OTOF: variants seen among roughly 807,000 people sequenced by gnomAD.
The protein encoded by OTOF is otoferlin.
Under a neutral mutation model 236.8 loss-of-function variants are expected in OTOF, and 218 were observed. The ratio of observed to expected loss-of-function variants is 0.92; its 90% CI spans 0.82 to 1.03. The LOEUF is 1.03. Ranked by LOEUF, OTOF falls within the 50% of genes least tolerant of loss-of-function variation. The pLI, the probability that OTOF is intolerant of heterozygous loss-of-function variation, is 0.00. For synonymous variants in OTOF, 1,041 were observed against 1,072.5 expected (o/e 0.97, Z 0.57); for missense variants, 2,590 against 2,694.4 (o/e 0.96, Z 0.86).
chr2:26,501,952 G>C, intron 7 of OTOF, 144 bp from the exon 8 acceptor site: 1 of 713,984 alleles, frequency 1.4e-6, no homozygotes, highest in Non-Finnish European at 2.6e-6. Context: ...GAATAGTGAG[G>C]ATTAGTTGTC....
In OTOF at chr2:26,458,093, G is replaced by T. The variant is rs1268939842; in HGVS notation, c.*145C>A. On this transcript the variant is annotated 3_prime_UTR_variant, in exon 47 of 47. Coordinates refer to ENST00000272371, the MANE Select transcript of OTOF (RefSeq NM_194248.3). ...TAGCCAGGGAGGCTGTAGAGGAAGA[G>T]CCCCAACATGAGCAGCCCCAACAGC... 1 of 1,614,202 alleles carries T rather than the reference G, an allele frequency of 6.2e-7. No individual in the cohort carries two copies.
Position 26,460,869 on chromosome 2 carries a change from C to A in OTOF, c.5695G>T (p.Asp1899Tyr), listed in dbSNP as rs137986959. The change falls in exon 44 of 47, where the codon GAT becomes TAT. Residue 1899 changes from aspartate (D) to tyrosine (Y), a missense_variant. Coordinates refer to ENST00000272371, the MANE Select transcript of OTOF (RefSeq NM_194248.3). This position sits in a 1 kb window ranked among gnomAD's most constrained non-coding sequence, Gnocchi z 5.3. ...WWPLLARNEN[D>Y]EFELTGKVEA... ...GTGCGCACCGTGAGCTCAAACTCAT[C>A]GTTCTCATTGCGGGCCAGGAGGGGC... The A allele has an allele frequency of 1.1e-5, 18 of 1,614,060 alleles. No individual in the cohort carries two copies. The highest frequency in any genetic ancestry group is 1.5e-5 in the Non-Finnish European group (18 of 1,180,018).
intron 5 of OTOF, among the ~76,000 whole-genome samples, chr2:26,508,142 A>G (rs1342125720): frequency 6.6e-6 from 1 of 152,226 alleles, no homozygotes; most frequent in East Asian, 1.9e-4. Context: ...ACTGGCTTCA[A>G]CTGGAACTAC....
intron 1 of OTOF, among the ~76,000 whole-genome samples, chr2:26,547,867 A>G (rs1006599484): frequency 1.3e-5 from 2 of 152,210 alleles, no homozygotes; most frequent in Non-Finnish European, 2.9e-5. Context: ...AATGTTTTCT[A>G]CAATACAGCA....
chr2:26,497,738 G>A (rs1666024445), intron 8 of OTOF, among the ~76,000 whole-genome samples: 1 of 152,174 alleles, frequency 6.6e-6, no homozygotes, highest in Admixed American at 6.5e-5. Flanking sequence ...AGTGACAAAG[G>A]GACGGAAGTA....
At chr2:26,472,885 A>G (rs1441040935) in intron 29 of OTOF, among the ~76,000 whole-genome samples, 2 of 152,136 alleles carry the variant, frequency 1.3e-5, no homozygotes, top group Non-Finnish European at 2.9e-5. Flanking sequence ...GGTCTTCTCC[A>G]TCAACCAGCG....
Position 26,473,051 on chromosome 2 carries a change from G to A in OTOF, c.3733+81C>T, listed in dbSNP as rs1167836752. The A allele has an allele frequency of 4.1e-6, 6 of 1,450,604 alleles. 1 individual carries two copies. The highest frequency in any genetic ancestry group is 2.4e-5 in the South Asian group (2 of 83,704). 89.9% of individuals were successfully genotyped at this position (1,450,604 alleles called of 1,614,324 possible). A position where few individuals can be genotyped will look rare whatever the true frequency, so the allele number is the denominator to read the frequency against. On this transcript the variant is annotated intron_variant, in intron 29 of 46. Coordinates refer to ENST00000272371, the MANE Select transcript of OTOF (RefSeq NM_194248.3). The surrounding 1 kb of genome is among the most constrained non-coding windows in gnomAD (Gnocchi z 7.2). Reference sequence around the variant, plus strand: ...GCCCCAAAGAGCAAACTCTGGTCGCGGCTTGGACTGGGCGGAGACCTGGAG... The same window carrying A: ...GCCCCAAAGAGCAAACTCTGGTCGCAGCTTGGACTGGGCGGAGACCTGGAG...
At chr2:26,506,835 A>G (rs534070840) in intron 5 of OTOF, among the ~76,000 whole-genome samples, 1 of 152,278 alleles carries the variant, frequency 6.6e-6, no homozygotes, top group South Asian at 2.1e-4. Flanking sequence ...CCCCGTCTCT[A>G]CTAAAATTAG....
intron 5 of OTOF, among the ~76,000 whole-genome samples, chr2:26,505,889 G>A (rs1666235824): frequency 6.6e-6 from 1 of 152,360 alleles, no homozygotes; most frequent in East Asian, 1.9e-4. Flanking sequence ...TCATACCCAT[G>A]TTTACAAAGA....
intron 41 of OTOF, among the ~76,000 whole-genome samples, chr2:26,463,057 G>A (rs1480463035): frequency 2.0e-5 from 3 of 152,178 alleles, no homozygotes; most frequent in Admixed American, 6.5e-5. Flanking sequence ...TGAGGATGAC[G>A]CAGGGCCGGC....
At chr2:26,528,442 C>T (rs1245142479) in intron 2 of OTOF, among the ~76,000 whole-genome samples, 1 of 152,224 alleles carries the variant, frequency 6.6e-6, no homozygotes. Context: ...TCAAACCACT[C>T]CTCACTCTGC....
At chr2:26,537,938 G>A (rs1667114462) in intron 1 of OTOF, among the ~76,000 whole-genome samples, 164 bp from the exon 2 acceptor site, 1 of 152,184 alleles carries the variant, frequency 6.6e-6, no homozygotes, top group African/African-American at 2.4e-5. Context: ...CAGTCCCCAT[G>A]CGGCTTCTTC....
intron 4 of OTOF, among the ~76,000 whole-genome samples, chr2:26,518,630 G>A (rs1021348834): frequency 6.6e-6 from 1 of 152,274 alleles, no homozygotes; most frequent in Non-Finnish European, 1.5e-5. Context: ...CCCTCCCAGG[G>A]AGGACCCGAG....
At chr2:26,543,274 C>T (rs1667250219) in intron 1 of OTOF, among the ~76,000 whole-genome samples, 2 of 152,226 alleles carry the variant, frequency 1.3e-5, no homozygotes, top group South Asian at 4.1e-4. Context: ...GCCAGGCCCA[C>T]TCAGGTGTGC....
At chr2:26,467,562 G>A in intron 33 of OTOF, 61 bp from the exon 34 acceptor site, 5 of 1,569,416 alleles carry the variant, frequency 3.2e-6, no homozygotes, top group East Asian at 2.3e-5. Flanking sequence ...GCCTGGATTC[G>A]AGACCCAGCT....
At chr2:26,530,591 C>T (rs747230713) in intron 2 of OTOF, among the ~76,000 whole-genome samples, 4 of 152,202 alleles carry the variant, frequency 2.6e-5, no homozygotes, top group Non-Finnish European at 4.4e-5. Flanking sequence ...CTTTCCTCCC[C>T]TGTCTCCCTC....
intron 1 of OTOF, among the ~76,000 whole-genome samples, chr2:26,549,142 C>A (rs1387757681): frequency 6.6e-6 from 1 of 152,030 alleles, no homozygotes; most frequent in Non-Finnish European, 1.5e-5. Context: ...CCTTCTTTGA[C>A]CATAGGTTAA....
At chr2:26,513,034 C>T (rs377650725) in intron 5 of OTOF, among the ~76,000 whole-genome samples, 1 of 152,256 alleles carries the variant, frequency 6.6e-6, no homozygotes, top group South Asian at 2.1e-4. Context: ...ATCAGGGCTT[C>T]GTGGCAGGAA....
chr2:26,457,911 A>T lies in OTOF; in HGVS notation c.*327T>A. 1 of 955,606 alleles carries T rather than the reference A, an allele frequency of 1.0e-6. No homozygotes were observed. Among genetic ancestry groups the T allele is most frequent in the South Asian group, 1.6e-5 (1 of 63,302 alleles). The allele number at this position is 955,606 out of a possible 1,614,324, so 59.2% of individuals were successfully genotyped here. On this transcript the variant is annotated 3_prime_UTR_variant, in exon 47 of 47. Transcript: ENST00000272371. The surrounding 1 kb of genome is among the most constrained non-coding windows in gnomAD (Gnocchi z 4.4). ...CAGGCGGCCCCCGCAAGCAGGAGGC[A>T]GGCTCGGCCCAAGGCATGAAGAGTG...
Sources: gnomAD v4.1 joint callset for allele counts (sites outside exome capture counted in the v4.1 genomes callset) on GRCh38, gnomAD v4.1.1 for gene constraint, Gnocchi (gnomAD v3.1) non-coding constraint, MANE v1.5 for transcripts, NCBI Gene and HGNC (gene_info 2026-07-23, HGNC 2026-07-21) for gene names.